Variants in OTUD7A observed in about 807,000 individuals in gnomAD.
OTUD7A encodes OTU deubiquitinase 7A.
Under a neutral mutation model 65.7 loss-of-function variants are expected in OTUD7A, and 12 were observed. That is an observed-to-expected ratio of 0.18 (90% CI 0.12 to 0.30). OTUD7A has a LOEUF of 0.30. Among genes scored for constraint, OTUD7A ranks in the 10% least tolerant of loss-of-function variants. The pLI is 1.00. For missense variants in OTUD7A, 1,148 were observed against 1,304.8 expected (o/e 0.88, Z 1.85); for synonymous variants, 641 against 586.3 (o/e 1.09, Z -1.35).
intron 10 of OTUD7A, among the ~76,000 whole-genome samples, chr15:31,490,679 T>C (rs1194453544): frequency 3.3e-5 from 5 of 152,180 alleles, no homozygotes; most frequent in African/African-American, 1.2e-4. Flanking sequence ...AGTGAAATAA[T>C]ATGGAACCCT....
intron 1 of OTUD7A, among the ~76,000 whole-genome samples, chr15:31,720,401 AT>A (rs781404973): frequency 0.028 from 3,707 of 132,850 alleles, 79 homozygotes; most frequent in African/African-American, 0.088. Context: ...CAGTAACTTC[AT>A]TTTTTTTTTT....
At chr15:31,717,535 C>T (rs1189402881) in intron 1 of OTUD7A, among the ~76,000 whole-genome samples, 1 of 152,160 alleles carries the variant, frequency 6.6e-6, no homozygotes. Context: ...ATGATGGTTT[C>T]CAGCTTCATC....
chr15:31,610,617 A>ATTTTTTTTTTTTTTTTTTTTTT (rs58099939), intron 3 of OTUD7A, among the ~76,000 whole-genome samples: 2 of 30,560 alleles, frequency 6.5e-5, no homozygotes, highest in Admixed American at 6.7e-4. Flanking sequence ...ATATATATAT[A>ATTTTTTTTTTTTTTTTTTTTTT]TTTTTTTTTT....
At chr15:31,613,809 G>T (rs76467097) in intron 3 of OTUD7A, among the ~76,000 whole-genome samples, 7,737 of 152,172 alleles carry the variant, frequency 0.051, 393 homozygotes, top group African/African-American at 0.14. Context: ...TAGAGGAAAA[G>T]AAGTTATTAT....
chr15:31,663,273 ACACACACAC>A (rs2141286963), intron 1 of OTUD7A, among the ~76,000 whole-genome samples: 1 of 152,002 alleles, frequency 6.6e-6, no homozygotes, highest in African/African-American at 2.4e-5. Flanking sequence ...ACACACACAC[ACACACACAC>A]AAGTTTTTAA....
chr15:31,790,725 G>A (rs1053322431), intron 1 of OTUD7A, among the ~76,000 whole-genome samples: 8 of 152,170 alleles, frequency 5.3e-5, no homozygotes, highest in African/African-American at 1.9e-4. Context: ...CATCTCTTGT[G>A]CCCTGAAGAC....
chr15:31,489,176 G>A (rs1361631878), intron 10 of OTUD7A, among the ~76,000 whole-genome samples: 1 of 152,188 alleles, frequency 6.6e-6, no homozygotes, highest in Non-Finnish European at 1.5e-5. Flanking sequence ...GGCAGGGGGT[G>A]GCACAGGCTC....
At chr15:31,662,413 C>A (rs186356062) in intron 1 of OTUD7A, among the ~76,000 whole-genome samples, 1 of 152,170 alleles carries the variant, frequency 6.6e-6, no homozygotes, top group African/African-American at 2.4e-5. Context: ...ATTTTGCATT[C>A]GTCGATTTAA....
intron 3 of OTUD7A, among the ~76,000 whole-genome samples, chr15:31,626,206 C>T (rs562305642): frequency 2.8e-4 from 42 of 152,254 alleles, no homozygotes; most frequent in African/African-American, 7.9e-4. Context: ...GAACCAAAAA[C>T]ATATTGCACT....
At chr15:31,559,668 T>C (rs1266236420) in intron 4 of OTUD7A, among the ~76,000 whole-genome samples, 1 of 151,672 alleles carries the variant, frequency 6.6e-6, no homozygotes, top group Non-Finnish European at 1.5e-5. Flanking sequence ...TTGGCACATA[T>C]ACTACACACA....
At chr15:31,695,137 C>T (rs1373665424) in intron 1 of OTUD7A, among the ~76,000 whole-genome samples, 1 of 152,026 alleles carries the variant, frequency 6.6e-6, no homozygotes, top group Non-Finnish European at 1.5e-5. Context: ...GAGCCACCGC[C>T]CCGGCCATGT....
chr15:31,610,261 C>T (rs571308049), intron 3 of OTUD7A, among the ~76,000 whole-genome samples: 1 of 152,130 alleles, frequency 6.6e-6, no homozygotes, highest in Admixed American at 6.5e-5. Flanking sequence ...CATCACAATC[C>T]TAACCATATA....
chr15:31,569,780 C>T (rs1459975924), intron 4 of OTUD7A, among the ~76,000 whole-genome samples: 2 of 152,140 alleles, frequency 1.3e-5, no homozygotes, highest in African/African-American at 4.8e-5. Context: ...ACTTATTGGG[C>T]TTTTGGGGTC....
rs1009525054 is a variant in OTUD7A at position 31,484,262 on chromosome 15, C to A, written c.1834G>T (p.Gly612Cys). The A allele has an allele frequency of 6.3e-7, 1 of 1,593,628 alleles. No homozygotes were observed. The highest frequency in any genetic ancestry group is 1.1e-5 in the South Asian group (1 of 89,690). ...TTCCAGGCGTCGCCCCGCGGCCCAC[C>A]GCCCTTCTCCGCCGGCGACGCGCCC... Reference protein sequence around the residue: ...AAGASPAEKGGGPRGDAWKYS... With the variant: ...AAGASPAEKGCGPRGDAWKYS... The change falls in exon 13 of 13, where the codon GGT becomes TGT. Residue 612 changes from glycine (G) to cysteine (C), a missense_variant. This residue lies in a region of OTUD7A where 842 missense variants were observed against 769.5 expected (regional missense o/e 1.09). Transcript: ENST00000307050. The surrounding 1 kb of genome is among the most constrained non-coding windows in gnomAD (Gnocchi z 4.5).
chr15:31,573,388 T>C (rs1889110129), intron 3 of OTUD7A, among the ~76,000 whole-genome samples: 1 of 152,158 alleles, frequency 6.6e-6, no homozygotes, highest in Admixed American at 6.5e-5. Context: ...AATCAAGAGA[T>C]GAATAAGAGT....
At chr15:31,510,536 C>CATATATATGTATATCTATATGTAACATAT (rs531396819) in intron 8 of OTUD7A, among the ~76,000 whole-genome samples, 9 of 65,162 alleles carry the variant, frequency 1.4e-4, no homozygotes, top group African/African-American at 4.9e-4. Flanking sequence ...ATGTAACATA[C>CATATATATGTATATCTATATGTAACATAT]ATATGTATAT....
chr15:31,554,485 C>G (rs891157857), intron 5 of OTUD7A, among the ~76,000 whole-genome samples: 2 of 152,230 alleles, frequency 1.3e-5, no homozygotes, highest in African/African-American at 4.8e-5. Context: ...AAGCCAGGGT[C>G]GGGCTGACTC....
chr15:31,775,613 G>A (rs1895357118), intron 1 of OTUD7A, among the ~76,000 whole-genome samples: 1 of 152,122 alleles, frequency 6.6e-6, no homozygotes, highest in Non-Finnish European at 1.5e-5. Context: ...CTTTGAAGCT[G>A]AATTTTTTAA....
chr15:31,560,570 C>T (rs990674291), intron 4 of OTUD7A, among the ~76,000 whole-genome samples: 1 of 152,202 alleles, frequency 6.6e-6, no homozygotes, highest in African/African-American at 2.4e-5. Context: ...AATAGGTTAT[C>T]TTTTCTCATA....
Sources: gnomAD v4.1 joint callset for allele counts (sites outside exome capture counted in the v4.1 genomes callset) on GRCh38, gnomAD v4.1.1 for gene constraint, gnomAD v4.1.1 regional missense constraint, Gnocchi (gnomAD v3.1) non-coding constraint, MANE v1.5 for transcripts, NCBI Gene and HGNC (gene_info 2026-07-23, HGNC 2026-07-21) for gene names.